The following TLE4 variants were observed in gnomAD, a reference collection of about 807,000 sequenced individuals.
The protein encoded by TLE4 is TLE family member 4, transcriptional corepressor.
In TLE4, 8 loss-of-function variants were observed where a neutral mutation model predicts 92.8. That is an observed-to-expected ratio of 0.09 (90% confidence interval 0.05 to 0.16). The LOEUF is 0.16. TLE4 is among the 10% of genes least tolerant of loss of function. TLE4 has a pLI of 1.00. For synonymous variants in TLE4, 371 were observed against 374.1 expected, an observed-to-expected ratio of 0.99 and a Z score of 0.10; for missense variants, 675 against 997.6, an observed-to-expected ratio of 0.68 and a Z score of 4.36.
intron 8 of TLE4, among the ~76,000 whole-genome samples, chr9:79,665,664 A>G (rs1205218148): frequency 1.3e-5 from 2 of 152,182 alleles, no homozygotes; most frequent in Non-Finnish European, 2.9e-5. Flanking sequence ...TGGGCCTTTT[A>G]CTCGAATTCA....
chr9:79,679,733 G>A (rs557729603), intron 8 of TLE4, among the ~76,000 whole-genome samples: 3 of 152,160 alleles, frequency 2.0e-5, no homozygotes, highest in Non-Finnish European at 2.9e-5. Flanking sequence ...TTTCTTCTAG[G>A]GTTTTTATGG....
At chr9:79,659,946 A>G (rs1346777114) in intron 8 of TLE4, among the ~76,000 whole-genome samples, 2 of 152,192 alleles carry the variant, frequency 1.3e-5, no homozygotes, top group Admixed American at 6.5e-5. Flanking sequence ...CGGTCAGCAT[A>G]CATTTCTAGA....
chr9:79,658,939 G>C (rs976373922), intron 8 of TLE4, among the ~76,000 whole-genome samples: 1 of 152,168 alleles, frequency 6.6e-6, no homozygotes, highest in African/African-American at 2.4e-5. Flanking sequence ...AAGAGAAGTT[G>C]TCTAATTAAG....
intron 8 of TLE4, among the ~76,000 whole-genome samples, chr9:79,662,517 A>G (rs2060684704): frequency 6.6e-6 from 1 of 152,150 alleles, no homozygotes. Context: ...TTGAACAACA[A>G]AATAAAATTG....
rs555079516 is a variant in TLE4 at position 79,645,780 on chromosome 9, C to T, written c.391-6813C>T. Among the ~76,000 whole-genome samples, 21 of 152,146 alleles carry T rather than the reference C, an allele frequency of 1.4e-4. No individual in the cohort carries two copies. In the East Asian group the frequency reaches 3.9e-3, roughly 28 times the overall value. On this transcript the variant is annotated intron_variant, in intron 6 of 19. Transcript: ENST00000376552. ...TACTTGCTTAAGTTTAAAGTTCACT[C>T]CATTTTAATGTTTATTTTCTTGAGT...
intron 8 of TLE4, among the ~76,000 whole-genome samples, chr9:79,692,005 C>T (rs1440752741): frequency 6.6e-6 from 1 of 152,082 alleles, no homozygotes; most frequent in Non-Finnish European, 1.5e-5. Context: ...GAATGCCTGG[C>T]AAATAGTGGG....
At chr9:79,698,935 A>G (rs2069002986) in intron 8 of TLE4, among the ~76,000 whole-genome samples, 1 of 151,046 alleles carries the variant, frequency 6.6e-6, no homozygotes, top group Non-Finnish European at 1.5e-5. Flanking sequence ...ATATGTTAAA[A>G]TGTTTTATCA....
At chr9:79,675,358 G>A (rs917201835) in intron 8 of TLE4, among the ~76,000 whole-genome samples, 5 of 152,152 alleles carry the variant, frequency 3.3e-5, no homozygotes, top group Admixed American at 6.5e-5. Flanking sequence ...AGTCACAGAA[G>A]AAAACTTGAT....
intron 3 of TLE4, 78 bp downstream of exon 3, chr9:79,575,014 G>A (rs974784268): frequency 1.6e-6 from 2 of 1,258,224 alleles, no homozygotes; most frequent in Non-Finnish European, 2.3e-6. Flanking sequence ...AAATTGCTGG[G>A]GGCTGCAAGA....
chr9:79,708,138 C>T lies in TLE4; in HGVS notation c.957C>T (p.Pro319=), dbSNP rs199683638. 46 of 1,613,850 alleles carry T rather than the reference C, an allele frequency of 2.9e-5. No individual in the cohort carries two copies. The East Asian group carries it at 4.2e-4, about 15-fold the overall frequency. Residue 319 remains proline (P), a synonymous_variant, in exon 12 of 20, where the codon CCC becomes CCT. Coordinates refer to ENST00000376552, the MANE Select transcript of TLE4 (RefSeq NM_007005.6). ...GTTAGAATGAAAAATCTACTACTCC[C>T]GTCTCAAAGTCCAATACCCCTACTC... is the stretch of plus-strand genomic sequence containing the variant. ...ELSLNEKSTT[P]VSKSNTPTPR...
chr9:79,580,839 A>G (rs1435605314), intron 4 of TLE4, among the ~76,000 whole-genome samples: 3 of 152,110 alleles, frequency 2.0e-5, no homozygotes, highest in African/African-American at 7.2e-5. Flanking sequence ...ACAGAACTTT[A>G]TCTTGCTTCA....
At position 79,645,384 on chromosome 9, in the gene TLE4, G is replaced by A. The variant is rs968221592; in HGVS notation, c.391-7209G>A. Reference sequence around the variant, plus strand: ...GGGTGAACAAGGAAACTGCTGCCTGGCCTTCAATTGGAAATGCCCAAAATT... The same window carrying A: ...GGGTGAACAAGGAAACTGCTGCCTGACCTTCAATTGGAAATGCCCAAAATT... On this transcript the variant is annotated intron_variant, in intron 6 of 19. Transcript: ENST00000376552. 3.9e-5 allele frequency among the ~76,000 whole-genome samples: 6 copies of A among 152,278 alleles called. No homozygotes were observed. In the South Asian group the frequency reaches 8.3e-4, roughly 21 times the overall value.
intron 6 of TLE4, among the ~76,000 whole-genome samples, chr9:79,627,961 A>T (rs1054936796): frequency 1.3e-5 from 2 of 152,138 alleles, no homozygotes; most frequent in Non-Finnish European, 2.9e-5. Flanking sequence ...CTTTATTTTT[A>T]AAAAAATCAG....
intron 6 of TLE4, among the ~76,000 whole-genome samples, chr9:79,628,077 G>GTA (rs889502743): frequency 2.6e-5 from 4 of 151,866 alleles, no homozygotes; most frequent in Non-Finnish European, 5.9e-5. Flanking sequence ...GCTTATATAT[G>GTA]TATGTTTTTT....
chr9:79,691,827 A>G (rs567998425), intron 8 of TLE4, among the ~76,000 whole-genome samples: 6 of 152,254 alleles, frequency 3.9e-5, no homozygotes, highest in African/African-American at 1.4e-4. Flanking sequence ...TCAGCATCTT[A>G]TGTTCTTTGT....
intron 8 of TLE4, among the ~76,000 whole-genome samples, chr9:79,670,281 T>C (rs1334465150): frequency 6.6e-6 from 1 of 151,570 alleles, no homozygotes; most frequent in East Asian, 1.9e-4. Context: ...AGAAAGAGAC[T>C]ACACCGACTT....
intron 6 of TLE4, among the ~76,000 whole-genome samples, chr9:79,628,318 T>G (rs1181995208): frequency 6.6e-6 from 1 of 152,162 alleles, no homozygotes; most frequent in Non-Finnish European, 1.5e-5. Context: ...AAAGTCTTTT[T>G]TTTTTCTGTC....
intron 6 of TLE4, among the ~76,000 whole-genome samples, chr9:79,652,280 G>A (rs1024283264): frequency 2.0e-5 from 3 of 151,788 alleles, no homozygotes; most frequent in Non-Finnish European, 4.4e-5. Flanking sequence ...TCCACCTCCC[G>A]GGTTCACGCC....
At chr9:79,593,067 C>T (rs1157407352) in intron 4 of TLE4, among the ~76,000 whole-genome samples, 4 of 152,122 alleles carry the variant, frequency 2.6e-5, no homozygotes, top group Admixed American at 2.6e-4. Context: ...CCCTTTTAGA[C>T]ACTTGTCTTA....
Sources: allele counts gnomAD v4.1 joint callset (sites outside exome capture counted in the v4.1 genomes callset), GRCh38; gene constraint gnomAD v4.1.1; transcripts MANE v1.5; gene names NCBI Gene and HGNC (gene_info 2026-07-23, HGNC 2026-07-21).